CCDC200: variants seen among roughly 807,000 people sequenced by gnomAD.
CCDC200 encodes coiled-coil domain containing 200.
chr17:43,227,452 CCT>C (rs1254631954), intron 1 of CCDC200, among the ~76,000 whole-genome samples: 3 of 151,990 alleles, frequency 2.0e-5, no homozygotes, highest in African/African-American at 7.3e-5. Context: ...ATAGTGAGAC[CCT>C]GTCTGTATTA....
chr17:43,222,529 T>G, intron 3 of CCDC200, among the ~76,000 whole-genome samples: 1 of 152,070 alleles, frequency 6.6e-6, no homozygotes, highest in Admixed American at 6.6e-5. Flanking sequence ...GGAAGTTGTA[T>G]CATCTATCAT....
rs1369555762 is a variant in CCDC200 at position 43,224,236 on chromosome 17, G to A, written c.419C>T (p.Pro140Leu). Residue 140 changes from proline (P) to leucine (L), a missense_variant and splice_region_variant, in exon 2 of 4, where the codon CCA (proline) becomes CTA (leucine). Transcript: ENST00000636331. ...SKCNLQDSQR[P>L]GLMNPCQSSP... ...CCCCGCTGAAGTAGGCTGGTGACCT[G>A]GCCTTTGGGAATCCTGGAGATTGCA... 1.3e-5 allele frequency: 2 copies of A among 153,512 alleles called. No homozygotes were observed. Among genetic ancestry groups the A allele is most frequent in the Non-Finnish European group, 2.9e-5 (2 of 68,212 alleles). 9.5% of individuals were successfully genotyped at this position (153,512 alleles called of 1,614,324 possible).
chr17:43,227,895 G>T (rs1339897055), intron 1 of CCDC200, among the ~76,000 whole-genome samples: 1 of 152,292 alleles, frequency 6.6e-6, no homozygotes, highest in Non-Finnish European at 1.5e-5. Context: ...GATCACCTGA[G>T]GTCGGGAGTT....
At chr17:43,222,312 C>T (rs902325288) in intron 3 of CCDC200, among the ~76,000 whole-genome samples, 2 of 151,658 alleles carry the variant, frequency 1.3e-5, no homozygotes, top group African/African-American at 2.4e-5. Context: ...ACTACAGATG[C>T]GCCCTACCAC....
At chr17:43,227,543 G>A (rs1217864424) in intron 1 of CCDC200, among the ~76,000 whole-genome samples, 1 of 151,862 alleles carries the variant, frequency 6.6e-6, no homozygotes, top group Non-Finnish European at 1.5e-5. Flanking sequence ...AGAGTGCAGT[G>A]GCACTATCTT....
intron 2 of CCDC200, 59 bp downstream of exon 2, chr17:43,224,175 T>C (rs2057552181): frequency 6.5e-6 from 1 of 152,780 alleles, no homozygotes; most frequent in Non-Finnish European, 1.5e-5. Context: ...CTGGAATCTG[T>C]TGTTGATACA....
At chr17:43,222,490 A>G (rs1202449054) in intron 3 of CCDC200, among the ~76,000 whole-genome samples, 1 of 151,846 alleles carries the variant, frequency 6.6e-6, no homozygotes, top group African/African-American at 2.4e-5. Context: ...AATAATTGCC[A>G]TATTCAGTCC....
chr17:43,221,832 G>A (rs1360015937), intron 3 of CCDC200, among the ~76,000 whole-genome samples: 4 of 152,126 alleles, frequency 2.6e-5, no homozygotes, highest in African/African-American at 9.7e-5. Flanking sequence ...ATCCAGGCCA[G>A]GCGTGGTGGC....
At chr17:43,223,056 C>A (rs1033319200) in intron 3 of CCDC200, among the ~76,000 whole-genome samples, 1 of 151,550 alleles carries the variant, frequency 6.6e-6, no homozygotes, top group Non-Finnish European at 1.5e-5. Flanking sequence ...TGTGAGCCAC[C>A]GTGCCTGGCT....
At chr17:43,225,156 C>T (rs969833253) in intron 1 of CCDC200, among the ~76,000 whole-genome samples, 3 of 152,068 alleles carry the variant, frequency 2.0e-5, no homozygotes, top group African/African-American at 7.2e-5. Context: ...ACCTCAGCCT[C>T]CTGAGCAGCT....
chr17:43,224,948 T>A (rs908478148), intron 1 of CCDC200: 4 of 152,200 alleles, frequency 2.6e-5, no homozygotes, highest in Non-Finnish European at 2.9e-5. Context: ...CACTGTAATC[T>A]GGAACTACTG....
At chr17:43,226,685 A>G (rs1439314394) in intron 1 of CCDC200, among the ~76,000 whole-genome samples, 2 of 152,112 alleles carry the variant, frequency 1.3e-5, no homozygotes, top group Non-Finnish European at 2.9e-5. Flanking sequence ...GAGCCACTGC[A>G]CCCAGCCTAA....
chr17:43,231,069 T>TGGGA (rs1312663918), upstream of CCDC200, among the ~76,000 whole-genome samples: 20 of 96,542 alleles, frequency 2.1e-4, 4 homozygotes, highest in African/African-American at 5.5e-4. Context: ...CACCAGAGGC[T>TGGGA]GGGAGTTGGA....
chr17:43,223,486 T>TCCCACA (rs1598038832), intron 3 of CCDC200, 70 bp downstream of exon 3: 1 of 143,180 alleles, frequency 7.0e-6, no homozygotes. Flanking sequence ...ACACTCACAC[T>TCCCACA]CTCTCTCTCT....
chr17:43,225,130 C>A (rs2057558284), intron 1 of CCDC200, among the ~76,000 whole-genome samples: 1 of 152,012 alleles, frequency 6.6e-6, no homozygotes, highest in Non-Finnish European at 1.5e-5. Flanking sequence ...ACCTCCCAGG[C>A]TCAAGCGATC....
intron 1 of CCDC200, among the ~76,000 whole-genome samples, chr17:43,225,427 A>G (rs1223279934): frequency 1.3e-5 from 2 of 150,978 alleles, no homozygotes; most frequent in African/African-American, 4.9e-5. Flanking sequence ...CACTTTGGGA[A>G]GCCGAGGCGG....
intron 1 of CCDC200, among the ~76,000 whole-genome samples, chr17:43,227,178 C>T (rs1002680243): frequency 2.0e-5 from 3 of 151,774 alleles, no homozygotes; most frequent in African/African-American, 7.3e-5. Context: ...GGGGTTTCAC[C>T]ATGTTGGTCA....
chr17:43,223,478 ACT>A lies in CCDC200; in HGVS notation c.480+76_480+77del, dbSNP rs1555515769. ...CTGGACTACACACACACACACACAC[ACT>A]CACACTCTCTCTCTCTCTCTCTCTT... is the stretch of plus-strand genomic sequence containing the variant. On this transcript the variant is annotated intron_variant, in intron 3 of 3. Transcript: ENST00000636331. 31 of 144,082 alleles carry A rather than the reference ACT, an allele frequency of 2.2e-4. 1 individual carries two copies. The highest frequency in any genetic ancestry group is 3.6e-3 in the Middle Eastern group (1 of 278). The allele number at this position is 144,082 out of a possible 1,614,324, so 8.9% of individuals were successfully genotyped here.
chr17:43,225,062 T>A (rs889843559), intron 1 of CCDC200: 1 of 151,304 alleles, frequency 6.6e-6, no homozygotes, highest in Non-Finnish European at 1.5e-5. Context: ...CAGGGACTCA[T>A]TATGTTGCCC....
Sources: gnomAD v4.1 joint callset for allele counts (sites outside exome capture counted in the v4.1 genomes callset) on GRCh38, gnomAD v4.1.1 for gene constraint, MANE v1.5 for transcripts, NCBI Gene and HGNC (gene_info 2026-07-23, HGNC 2026-07-21) for gene names.